The following STK10 variants were observed in gnomAD, a reference collection of about 807,000 sequenced individuals.
STK10 encodes serine/threonine kinase 10.
STK10 carries 78 observed loss-of-function variants against 113.8 expected under a neutral mutation model. That is an observed-to-expected ratio of 0.69 (90% CI 0.57 to 0.83). The LOEUF is 0.83. Ranked by LOEUF, STK10 falls within the 40% of genes least tolerant of loss-of-function variation. STK10 has a pLI of 0.00. For missense variants in STK10, 1,109 were observed against 1,280.1 expected, an observed-to-expected ratio of 0.87 and a Z score of 2.04; for synonymous variants, 465 against 494.7, an observed-to-expected ratio of 0.94 and a Z score of 0.80.
intron 1 of STK10, among the ~76,000 whole-genome samples, chr5:172,182,550 A>AC (rs1770876792): frequency 9.3e-6 from 1 of 107,522 alleles, no homozygotes; most frequent in African/African-American, 3.8e-5. Context: ...TGCCCAGCTC[A>AC]TTTTTTTTTT....
At chr5:172,152,143 C>T (rs917948813) in intron 2 of STK10, among the ~76,000 whole-genome samples, 1 of 152,218 alleles carries the variant, frequency 6.6e-6, no homozygotes, top group Non-Finnish European at 1.5e-5. Context: ...TGTCACTTGC[C>T]CAAGTCCTCT....
rs1241793114 is a variant in STK10, at chr5:172,106,413, AAAAAAG to A, written c.788+201_788+206del. The stretch of plus-strand genomic sequence containing the variant: ...TGAGACCCTATCTCAAAAAAAAAAA[AAAAAAG>A]GAACACAAAGGGAAAAAGAGGCACG... On this transcript the variant is annotated intron_variant, in intron 6 of 18. Coordinates refer to ENST00000176763, the MANE Select transcript of STK10 (RefSeq NM_005990.4). Among the ~76,000 whole-genome samples, 9 of 145,158 alleles carry A rather than the reference AAAAAAG, an allele frequency of 6.2e-5. 1 individual carries two copies. The East Asian group carries it at 1.4e-3, about 23-fold the overall frequency.
chr5:172,078,078 C>A (rs1768352118), intron 12 of STK10, among the ~76,000 whole-genome samples: 1 of 152,204 alleles, frequency 6.6e-6, no homozygotes. Flanking sequence ...CCAGACCTCC[C>A]ATTCCTACTT....
At chr5:172,088,473 A>G (rs924619937) in intron 10 of STK10, among the ~76,000 whole-genome samples, 2 of 152,288 alleles carry the variant, frequency 1.3e-5, no homozygotes, top group African/African-American at 4.8e-5. Context: ...GCACTGAACC[A>G]AGATAGCACC....
chr5:172,097,168 A>G (rs1205146144), intron 7 of STK10, among the ~76,000 whole-genome samples: 1 of 152,088 alleles, frequency 6.6e-6, no homozygotes, highest in African/African-American at 2.4e-5. Context: ...CCTCCCAAGT[A>G]GCTGGGATTA....
At chr5:172,167,626 C>G (rs549760336) in intron 1 of STK10, among the ~76,000 whole-genome samples, 24 of 152,316 alleles carry the variant, frequency 1.6e-4, no homozygotes, top group African/African-American at 5.3e-4. Flanking sequence ...CAGACACCCT[C>G]GTTCTTTCGG....
At chr5:172,110,813 A>G (rs3103581) in intron 4 of STK10, among the ~76,000 whole-genome samples, 8 of 152,034 alleles carry the variant, frequency 5.3e-5, no homozygotes, top group Non-Finnish European at 1.2e-4. Context: ...AAGCACTGTG[A>G]TGCAAGGTCC....
At chr5:172,058,044 G>A (rs1234983131) in intron 14 of STK10, among the ~76,000 whole-genome samples, 1 of 152,190 alleles carries the variant, frequency 6.6e-6, no homozygotes, top group Non-Finnish European at 1.5e-5. Context: ...TGAAGACAAT[G>A]AAGATACTGG....
intron 3 of STK10, among the ~76,000 whole-genome samples, chr5:172,121,836 G>T (rs1769517494): frequency 6.6e-6 from 1 of 151,736 alleles, no homozygotes; most frequent in Non-Finnish European, 1.5e-5. Flanking sequence ...AAAGTGTTGG[G>T]ATTACAGGCA....
intron 18 of STK10, chr5:172,045,543 G>C (rs543651564): frequency 2.4e-6 from 1 of 420,148 alleles, no homozygotes; most frequent in African/African-American, 2.1e-5. Context: ...CCAGAGGTTC[G>C]GATTTTGAAG....
intron 18 of STK10, among the ~76,000 whole-genome samples, chr5:172,048,452 C>CACACACACACACAT (rs1767546741): frequency 6.6e-6 from 1 of 151,114 alleles, no homozygotes; most frequent in Non-Finnish European, 1.5e-5. Flanking sequence ...CACACACACA[C>CACACACACACACAT]ATCCTCTCTC....
chr5:172,156,979 A>G (rs569799606), intron 1 of STK10, among the ~76,000 whole-genome samples, 191 bp from the exon 2 acceptor site: 1 of 152,330 alleles, frequency 6.6e-6, no homozygotes, highest in Admixed American at 6.5e-5. Flanking sequence ...ATACACCCCT[A>G]CAACACTATG....
chr5:172,054,821 G>T, intron 16 of STK10, 127 bp from the exon 17 acceptor site: 1 of 1,333,708 alleles, frequency 7.5e-7, no homozygotes, highest in Admixed American at 2.1e-5. Flanking sequence ...CCAGTACCCA[G>T]CACCACCTCA....
rs192730420 is a variant in STK10, at chr5:172,122,352, T to G, written c.371-4722A>C. On this transcript the variant is annotated intron_variant, in intron 3 of 18. Transcript: ENST00000176763. The stretch of plus-strand genomic sequence containing the variant: ...CCCTGTGACCTTTGCAGTAAACTCT[T>G]CCCGTTTCCAGTCCCTGTGTAATCA... Among the ~76,000 whole-genome samples, 7 of 152,342 alleles carry G rather than the reference T, an allele frequency of 4.6e-5. 1 individual carries two copies. The highest frequency in any genetic ancestry group is 2.1e-4 in the South Asian group (1 of 4,826).
chr5:172,117,352 C>A, intron 4 of STK10, 129 bp downstream of exon 4: 1 of 1,002,164 alleles, frequency 1.0e-6, no homozygotes, highest in Non-Finnish European at 1.4e-6. Context: ...TGCTGACATG[C>A]CAAGAGGGCG....
intron 7 of STK10, among the ~76,000 whole-genome samples, chr5:172,100,585 G>A (rs993886066): frequency 1.3e-5 from 2 of 151,976 alleles, no homozygotes; most frequent in Admixed American, 6.6e-5. Context: ...TCAGGAGTTC[G>A]AGACCACCCT....
At chr5:172,112,587 A>AT (rs34366400) in intron 4 of STK10, among the ~76,000 whole-genome samples, 21,965 of 136,906 alleles carry the variant, frequency 0.16, 1,871 homozygotes, top group African/African-American at 0.25. Flanking sequence ...TGCCCGGCTA[A>AT]TTTTTTTTTT....
chr5:172,063,734 A>T (rs1767985563), intron 13 of STK10: 1 of 152,132 alleles, frequency 6.6e-6, no homozygotes, highest in African/African-American at 2.4e-5. Context: ...CTGAATGTGA[A>T]CTCAGCAATG....
chr5:172,143,761 A>T (rs1234045427), intron 2 of STK10, among the ~76,000 whole-genome samples: 1 of 152,250 alleles, frequency 6.6e-6, no homozygotes, highest in Non-Finnish European at 1.5e-5. Flanking sequence ...ATCCTTGAAG[A>T]AGCAGTTTAC....
Sources: allele counts gnomAD v4.1 joint callset (sites outside exome capture counted in the v4.1 genomes callset), GRCh38; gene constraint gnomAD v4.1.1; transcripts MANE v1.5; gene names NCBI Gene and HGNC (gene_info 2026-07-23, HGNC 2026-07-21).